Variants in TGM5 observed in about 807,000 individuals in gnomAD.
TGM5 encodes transglutaminase 5, also known as protein-glutamine gamma-glutamyltransferase 5.
In TGM5, 69 loss-of-function variants were observed where a neutral mutation model predicts 77.2. The ratio of observed to expected loss-of-function variants is 0.89; its 90% CI spans 0.74 to 1.09. TGM5 has a LOEUF of 1.09. Among genes scored for constraint, TGM5 ranks in the 50% least tolerant of loss-of-function variants. The pLI is 0.00. For synonymous variants in TGM5, 346 were observed against 351.8 expected (o/e 0.98, Z 0.18); for missense variants, 842 against 896.5 (o/e 0.94, Z 0.78).
At chr15:43,260,750 G>T in intron 1 of TGM5, 171 bp from the exon 2 acceptor site, 1 of 750,324 alleles carries the variant, frequency 1.3e-6, no homozygotes, top group Non-Finnish European at 2.3e-6. Flanking sequence ...TAAGGATGAG[G>T]ATTTAATGAG....
rs1015479664 is a variant in TGM5 at position 43,236,968 on chromosome 15, CAAAAAAAAAAAA to C, written c.1346-1143_1346-1132del. On this transcript the variant is annotated intron_variant, in intron 9 of 12. Transcript: ENST00000220420. ...TAGGTGACAGAGCAAGACTCTGTCT[CAAAAAAAAAAAA>C]AAAAAAAAGAGTGGGCCCAGGAAGA... Among the ~76,000 whole-genome samples, 4 of 61,292 alleles carry C rather than the reference CAAAAAAAAAAAA, an allele frequency of 6.5e-5. No homozygotes were observed. The South Asian group carries it at 2.3e-3, about 35-fold the overall frequency. 40.2% of individuals were successfully genotyped at this position (61,292 alleles called of 152,430 possible). A position where few individuals can be genotyped will look rare whatever the true frequency, so the allele number is the denominator to read the frequency against.
chr15:43,253,804 T>A (rs1397633967), intron 4 of TGM5, 170 bp from the exon 5 acceptor site: 40 of 888,410 alleles, frequency 4.5e-5, no homozygotes, highest in Non-Finnish European at 7.1e-6. Flanking sequence ...GTTTCAAAAC[T>A]CTAGGGTCAC....
Position 43,253,649 on chromosome 15 carries a change from G to C in TGM5, c.556-15C>G. ...TTGTCTTCAAACTTCGGGGGGAGAG[G>C]CAGAGAGGGAAGGCACCCATGCTTG... On this transcript the variant is annotated splice_polypyrimidine_tract_variant and intron_variant, in intron 4 of 12. Coordinates refer to ENST00000220420, the MANE Select transcript of TGM5 (RefSeq NM_201631.4). 6.2e-7 allele frequency: 1 copy of C among 1,611,170 alleles called. No individual in the cohort carries two copies. Among genetic ancestry groups the C allele is most frequent in the Non-Finnish European group, 8.5e-7 (1 of 1,179,992 alleles).
chr15:43,238,475 C>T (rs2142357020), intron 9 of TGM5, among the ~76,000 whole-genome samples: 1 of 152,296 alleles, frequency 6.6e-6, no homozygotes, highest in Middle Eastern at 3.4e-3. Context: ...TAAATAATAC[C>T]CTAAATAAAA....
chr15:43,252,758 C>A lies in TGM5; in HGVS notation c.862+1G>T, dbSNP rs773741689. 86 of 1,613,630 alleles carry A rather than the reference C, an allele frequency of 5.3e-5. No homozygotes were observed. Among genetic ancestry groups the A allele is most frequent in the Non-Finnish European group, 7.0e-5 (83 of 1,180,028 alleles). Reference sequence around the variant, plus strand: ...TTTGTGGGGTCCTTTCTACCTCCTACCTGTGCACATGACGGCAGCAAAGAC... The same window carrying A: ...TTTGTGGGGTCCTTTCTACCTCCTAACTGTGCACATGACGGCAGCAAAGAC... On this transcript the variant is annotated splice_donor_variant, in intron 6 of 12. Coordinates refer to ENST00000220420, the MANE Select transcript of TGM5 (RefSeq NM_201631.4). LOFTEE classifies it high-confidence loss of function.
In TGM5 at chr15:43,233,381, G is replaced by A. The variant is rs761964365; in HGVS notation, c.2010-37C>T. On this transcript the variant is annotated intron_variant, in intron 12 of 12. Transcript: ENST00000220420. ...AATGGAGCATGTCAGAAAACCAAAA[G>A]CATGATAATGACCCTGGAGCCCTTT... 16 of 1,611,986 alleles carry A rather than the reference G, an allele frequency of 9.9e-6. 1 individual carries two copies. The Middle Eastern group carries it at 4.9e-4, about 50-fold the overall frequency.
In TGM5 at chr15:43,234,769, A is replaced by C; in HGVS notation, c.1875T>G (p.Asn625Lys). The C allele has an allele frequency of 6.2e-7, 1 of 1,614,160 alleles. No homozygotes were observed. The highest frequency in any genetic ancestry group is 1.1e-5 in the South Asian group (1 of 91,080). ...ITLSYPSITI[N>K]VLGAAVVNQP... ...AGCCATTTGCAGGACTCCTGCCTAC[A>C]TTAATCGTGATGCTTGGATAAGATA... The change falls in exon 11 of 13, where the codon AAT becomes AAG. Residue 625 changes from asparagine to lysine, a missense_variant and splice_region_variant. This residue lies in a region of TGM5 where 815 missense variants were observed against 844.6 expected (regional missense o/e 0.96). Transcript: ENST00000220420.
At chr15:43,260,353 C>T (rs1342626311) in intron 2 of TGM5, 47 bp downstream of exon 2, 2 of 1,614,184 alleles carry the variant, frequency 1.2e-6, no homozygotes, top group Non-Finnish European at 8.5e-7. Flanking sequence ...CCCCGAAAAT[C>T]CCCTCCCAGA....
At chr15:43,252,072 A>G (rs1311915479) in intron 6 of TGM5, among the ~76,000 whole-genome samples, 1 of 152,166 alleles carries the variant, frequency 6.6e-6, no homozygotes, top group African/African-American at 2.4e-5. Context: ...CATTGAGCCC[A>G]TTCTCTGTGC....
At chr15:43,237,286 T>G (rs1268414712) in intron 9 of TGM5, among the ~76,000 whole-genome samples, 2 of 152,226 alleles carry the variant, frequency 1.3e-5, no homozygotes, top group East Asian at 3.8e-4. Context: ...AGGTTTTCTC[T>G]GCTACCAGAG....
At chr15:43,240,709 G>C in intron 7 of TGM5, 143 bp downstream of exon 7, 1 of 1,002,936 alleles carries the variant, frequency 1.0e-6, no homozygotes, top group African/African-American at 1.6e-5. Context: ...GCCTTGGTGG[G>C]GGGTGGGTGG....
intron 11 of TGM5, 135 bp downstream of exon 11, chr15:43,234,634 C>T: frequency 8.9e-7 from 1 of 1,123,206 alleles, no homozygotes; most frequent in African/African-American, 1.5e-5. Context: ...ACTTCTCCCT[C>T]CTGGAGCACC....
intron 6 of TGM5, among the ~76,000 whole-genome samples, chr15:43,245,566 T>A (rs1463521573): frequency 1.3e-5 from 2 of 152,186 alleles, no homozygotes; most frequent in Non-Finnish European, 2.9e-5. Context: ...CTGTTTTCCA[T>A]GATAATCTCC....
At chr15:43,250,836 G>C (rs1425919319) in intron 6 of TGM5, among the ~76,000 whole-genome samples, 1 of 152,146 alleles carries the variant, frequency 6.6e-6, no homozygotes, top group Non-Finnish European at 1.5e-5. Flanking sequence ...TGAGCTACAG[G>C]GGACTGGGCC....
intron 4 of TGM5, 116 bp downstream of exon 4, chr15:43,256,452 C>T: frequency 1.2e-6 from 1 of 854,492 alleles, no homozygotes; most frequent in Non-Finnish European, 2.0e-6. Flanking sequence ...CACACATCTT[C>T]CTCGTGCCAT....
At chr15:43,239,353 A>G in intron 7 of TGM5, 87 bp from the exon 8 acceptor site, 3 of 1,363,730 alleles carry the variant, frequency 2.2e-6, no homozygotes, top group Non-Finnish European at 3.1e-6. Flanking sequence ...GAACTGTTGG[A>G]TAGAAAGACA....
At chr15:43,253,706 C>A in intron 4 of TGM5, 72 bp from the exon 5 acceptor site, 2 of 1,578,974 alleles carry the variant, frequency 1.3e-6, no homozygotes, top group South Asian at 1.1e-5. Flanking sequence ...GTAATGACTT[C>A]CCCCCAACCC....
rs1031364043 is a variant in TGM5, at chr15:43,252,874, G to A, written c.747C>T (p.Gly249=). Residue 249 remains glycine, a synonymous_variant, in exon 6 of 13, where the codon GGC becomes GGT. Transcript: ENST00000220420. ...TGCCCGTCCACTCCGCAGGGTTGGC[G>A]CCGTCTGTGTAATTCTCACTCCAGT... The part of the protein sequence containing the change: ...NGNWSENYTD[G]ANPAEWTGSV... 1.4e-5 allele frequency: 23 copies of A among 1,613,714 alleles called. No individual in the cohort carries two copies. The East Asian group carries it at 1.8e-4, about 13-fold the overall frequency.
At chr15:43,239,995 T>A (rs865881483) in intron 7 of TGM5, among the ~76,000 whole-genome samples, 1 of 152,198 alleles carries the variant, frequency 6.6e-6, no homozygotes, top group Non-Finnish European at 1.5e-5. Context: ...CCTGTCTTCC[T>A]GTCTCTCAGT....
Sources: gnomAD v4.1 joint callset for allele counts (sites outside exome capture counted in the v4.1 genomes callset) on GRCh38, gnomAD v4.1.1 for gene constraint, gnomAD v4.1.1 regional missense constraint, MANE v1.5 for transcripts, NCBI Gene and HGNC (gene_info 2026-07-23, HGNC 2026-07-21) for gene names.